The following CMIP variants were observed in gnomAD, a reference collection of about 807,000 sequenced individuals.
The protein encoded by CMIP is C-Maf-inducing protein.
In CMIP, 13 loss-of-function variants were observed where a neutral mutation model predicts 97.3. That is an observed-to-expected ratio of 0.13 (90% CI 0.09 to 0.21). The LOEUF is 0.21. Ranked by LOEUF, CMIP falls within the 10% of genes least tolerant of loss-of-function variation. CMIP has a pLI of 1.00. For missense variants in CMIP, 847 were observed against 1,024.9 expected, an observed-to-expected ratio of 0.83 and a Z score of 2.37; for synonymous variants, 538 against 436.3, an observed-to-expected ratio of 1.23 and a Z score of -2.91.
chr16:81,702,543 G>T, intron 16 of CMIP, 79 bp from the exon 17 acceptor site: 1 of 1,369,544 alleles, frequency 7.3e-7, no homozygotes, highest in Non-Finnish European at 1.0e-6. Flanking sequence ...GGCTCCATGA[G>T]TGTTGTTAAC....
intron 1 of CMIP, among the ~76,000 whole-genome samples, chr16:81,466,496 C>T (rs920494189): frequency 1.3e-5 from 2 of 152,168 alleles, no homozygotes; most frequent in African/African-American, 4.8e-5. Context: ...TTGAGCTTGG[C>T]GAGCCTCAGT....
intron 1 of CMIP, among the ~76,000 whole-genome samples, chr16:81,458,574 G>A (rs574797313): frequency 6.6e-6 from 1 of 152,278 alleles, no homozygotes; most frequent in East Asian, 1.9e-4. Flanking sequence ...GATCAGGAAG[G>A]AGGAAACCCC....
chr16:81,473,873 A>G (rs1907718096), intron 1 of CMIP, among the ~76,000 whole-genome samples: 1 of 141,928 alleles, frequency 7.0e-6, no homozygotes, highest in African/African-American at 2.7e-5. Context: ...AGTTGGGAGC[A>G]TTCCCCTAAA....
intron 1 of CMIP, among the ~76,000 whole-genome samples, chr16:81,494,773 C>T (rs1012628580): frequency 2.0e-5 from 3 of 152,222 alleles, no homozygotes; most frequent in Non-Finnish European, 4.4e-5. Context: ...GTAACTGATA[C>T]CCTTGTCCCC....
chr16:81,631,568 A>G (rs762846645), intron 3 of CMIP: 1 of 152,208 alleles, frequency 6.6e-6, no homozygotes, highest in Non-Finnish European at 1.5e-5. Context: ...CTTTGCATAT[A>G]CTTGAACTTT....
At position 81,458,517 on chromosome 16, in the gene CMIP, G is replaced by A. The variant is rs553212953; in HGVS notation, c.300+12976G>A. On this transcript the variant is annotated intron_variant, in intron 1 of 20. Transcript: ENST00000537098. The stretch of plus-strand genomic sequence containing the variant: ...ACTGGCCTCCACTGGGTGCTCCTGC[G>A]TAGGGCCCTCCCTGCTCAGCCATTC... Among the ~76,000 whole-genome samples the A allele has an allele frequency of 3.2e-4, 49 of 152,266 alleles. 1 individual carries two copies. Among genetic ancestry groups the A allele is most frequent in the African/African-American group, 1.1e-3 (44 of 41,552 alleles).
intron 1 of CMIP, among the ~76,000 whole-genome samples, chr16:81,509,285 C>A (rs1021028247): frequency 6.6e-6 from 1 of 152,130 alleles, no homozygotes; most frequent in Non-Finnish European, 1.5e-5. Flanking sequence ...TGGGCAGGAC[C>A]ACCCAGCTGG....
At chr16:81,579,075 A>C (rs188452754) in intron 1 of CMIP, among the ~76,000 whole-genome samples, 142 of 152,348 alleles carry the variant, frequency 9.3e-4, no homozygotes, top group Non-Finnish European at 1.6e-3. Context: ...GATTCAGATA[A>C]GAATTCCAGT....
intron 1 of CMIP, among the ~76,000 whole-genome samples, chr16:81,507,825 G>C (rs1457343759): frequency 2.0e-5 from 3 of 152,222 alleles, no homozygotes; most frequent in Admixed American, 2.0e-4. Context: ...GGGGGAACAA[G>C]AGGACTGGGT....
chr16:81,693,690 CG>C (rs745849165), intron 13 of CMIP, among the ~76,000 whole-genome samples: 1 of 152,182 alleles, frequency 6.6e-6, no homozygotes, highest in South Asian at 2.1e-4. Flanking sequence ...GCCGGCTCAC[CG>C]GGGGTGGTTT....
intron 10 of CMIP, among the ~76,000 whole-genome samples, chr16:81,680,809 G>A (rs1486822207): frequency 2.6e-5 from 4 of 152,190 alleles, no homozygotes; most frequent in South Asian, 2.1e-4. Context: ...GAGTGGCCCC[G>A]CTGTCCACTC....
chr16:81,704,148 C>T (rs1450625967), intron 18 of CMIP, 63 bp downstream of exon 18: 18 of 1,470,218 alleles, frequency 1.2e-5, no homozygotes, highest in Non-Finnish European at 1.6e-5. Flanking sequence ...CACTCTCCTC[C>T]CTATTCCCCC....
At chr16:81,578,288 G>A (rs1298502962) in intron 1 of CMIP, among the ~76,000 whole-genome samples, 9 of 152,170 alleles carry the variant, frequency 5.9e-5, no homozygotes, top group Non-Finnish European at 1.0e-4. Flanking sequence ...TATCACCATC[G>A]TCATCATTTA....
chr16:81,512,385 C>T (rs1028789916), intron 1 of CMIP, among the ~76,000 whole-genome samples: 4 of 152,184 alleles, frequency 2.6e-5, no homozygotes, highest in African/African-American at 4.8e-5. Flanking sequence ...CTTTCCTGCT[C>T]ATGTTCCAGT....
Position 81,699,678 on chromosome 16 carries a change from C to G in CMIP, c.1639-7C>G, listed in dbSNP as rs547476772. On this transcript the variant is annotated splice_polypyrimidine_tract_variant and splice_region_variant and intron_variant, in intron 14 of 20. Transcript: ENST00000537098. ...TGTCCCTTCACCTGGGCCTTCTTGC[C>G]TCACAGGTGCACATCCTCATGGGCT... 4 of 1,596,270 alleles carry G rather than the reference C, an allele frequency of 2.5e-6. No individual in the cohort carries two copies. Among genetic ancestry groups the G allele is most frequent in the Admixed American group, 1.7e-5 (1 of 59,762 alleles).
At chr16:81,682,897 A>AAAAAAATC (rs1905015452) in intron 10 of CMIP, among the ~76,000 whole-genome samples, 1 of 150,972 alleles carries the variant, frequency 6.6e-6, no homozygotes, top group Non-Finnish European at 1.5e-5. Context: ...GTTGATGGTG[A>AAAAAAATC]AAAAAATCAC....
chr16:81,611,937 C>G (rs528440727), intron 2 of CMIP, among the ~76,000 whole-genome samples: 3 of 152,330 alleles, frequency 2.0e-5, no homozygotes, highest in Non-Finnish European at 4.4e-5. Flanking sequence ...CCCAGCCTTC[C>G]AGCGTGGGTC....
At chr16:81,538,988 T>A (rs1486865354) in intron 1 of CMIP, among the ~76,000 whole-genome samples, 1 of 152,162 alleles carries the variant, frequency 6.6e-6, no homozygotes, top group Admixed American at 6.6e-5. Context: ...TCACTGTGGG[T>A]CAGACAACAG....
intron 3 of CMIP, among the ~76,000 whole-genome samples, chr16:81,641,385 C>T (rs1241083930): frequency 6.6e-6 from 1 of 152,098 alleles, no homozygotes. Context: ...TCCCAAGCAG[C>T]TCCTAGCTCA....
Sources: allele counts gnomAD v4.1 joint callset (sites outside exome capture counted in the v4.1 genomes callset), GRCh38; gene constraint gnomAD v4.1.1; transcripts MANE v1.5; gene names NCBI Gene and HGNC (gene_info 2026-07-23, HGNC 2026-07-21).